PRKN: variants seen among roughly 807,000 people sequenced by gnomAD.
PRKN encodes the protein parkin RBR E3 ubiquitin protein ligase, also known as E3 ubiquitin-protein ligase parkin.
A neutral mutation model predicts 59.5 loss-of-function variants in PRKN; 56 were observed. The ratio of observed to expected loss-of-function variants is 0.94; its 90% CI spans 0.76 to 1.18. The LOEUF is 1.18. Among genes scored for constraint, PRKN ranks in the 50% most tolerant of loss-of-function variants. The pLI is 0.00. For missense variants in PRKN, 657 were observed against 596.4 expected (o/e 1.10, Z -1.06); for synonymous variants, 250 against 222.1 (o/e 1.13, Z -1.12).
At chr6:161,598,122 C>T (rs1279157912) in intron 7 of PRKN, among the ~76,000 whole-genome samples, 1 of 152,220 alleles carries the variant, frequency 6.6e-6, no homozygotes, top group Non-Finnish European at 1.5e-5. Context: ...GTTTGACATG[C>T]AGCAGATGCT....
At chr6:161,673,770 A>G (rs1394905270) in intron 7 of PRKN, among the ~76,000 whole-genome samples, 1 of 152,116 alleles carries the variant, frequency 6.6e-6, no homozygotes, top group Non-Finnish European at 1.5e-5. Flanking sequence ...TTTTGAAGGA[A>G]TTGTCTGCAG....
rs1786455038 is a variant in PRKN, at chr6:161,390,419, G to C, written c.1084-3542C>G. Among the ~76,000 whole-genome samples, 1 of 152,214 alleles carries C rather than the reference G, an allele frequency of 6.6e-6. No homozygotes were observed. The highest frequency in any genetic ancestry group is 2.1e-4 in the South Asian group (1 of 4,832). On this transcript the variant is annotated intron_variant, in intron 9 of 11. Transcript: ENST00000366898. This position sits in a 1 kb window ranked among gnomAD's most constrained non-coding sequence, Gnocchi z 7.0. ...TGACATTGTATCTTTGCAAAGGTGG[G>C]CTTTTGGAAGTTACCAGAATAGAAA...
chr6:162,222,463 T>A (rs1009322744), intron 3 of PRKN, among the ~76,000 whole-genome samples: 1 of 152,258 alleles, frequency 6.6e-6, no homozygotes, highest in South Asian at 2.1e-4. Flanking sequence ...TGTCAGGGCA[T>A]TGCAGGAGCC....
chr6:161,468,230 C>T lies in PRKN; in HGVS notation c.1083+80624G>A, dbSNP rs982360259. On this transcript the variant is annotated intron_variant, in intron 9 of 11. Coordinates refer to ENST00000366898, the MANE Select transcript of PRKN (RefSeq NM_004562.3). The surrounding 1 kb of genome is among the most constrained non-coding windows in gnomAD (Gnocchi z 5.9). ...TCAGGTGATCCGCCCGCCTCAACCT[C>T]CCAACGTGCTAGGATTACAGGCATG... 3.9e-5 allele frequency among the ~76,000 whole-genome samples: 6 copies of T among 152,128 alleles called. No homozygotes were observed. Among genetic ancestry groups the T allele is most frequent in the Non-Finnish European group, 7.4e-5 (5 of 68,006 alleles).
chr6:162,410,480 G>A (rs1031006086), intron 2 of PRKN, among the ~76,000 whole-genome samples: 1 of 152,180 alleles, frequency 6.6e-6, no homozygotes, highest in Admixed American at 6.6e-5. Context: ...GGGGGAGAAT[G>A]CCCTTTCCAA....
chr6:162,274,115 T>C (rs9456755), intron 2 of PRKN, among the ~76,000 whole-genome samples: 23,143 of 151,996 alleles, frequency 0.15, 1,971 homozygotes, highest in Admixed American at 0.25. Context: ...AGTCCATATT[T>C]TGGGACTGGA....
intron 4 of PRKN, among the ~76,000 whole-genome samples, chr6:162,155,243 A>T (rs1782459132): frequency 6.6e-6 from 1 of 152,144 alleles, no homozygotes; most frequent in Non-Finnish European, 1.5e-5. Flanking sequence ...CTGCATCTAC[A>T]CAGTTCTTAG....
At chr6:162,224,138 G>T (rs897320154) in intron 3 of PRKN, among the ~76,000 whole-genome samples, 1 of 151,884 alleles carries the variant, frequency 6.6e-6, no homozygotes, top group East Asian at 1.9e-4. Flanking sequence ...TGACTTAGTA[G>T]GGTTTAAGCT....
At chr6:162,052,144 T>C (rs1777670130) in intron 5 of PRKN, among the ~76,000 whole-genome samples, 1 of 152,186 alleles carries the variant, frequency 6.6e-6, no homozygotes, top group Middle Eastern at 3.2e-3. Flanking sequence ...TTTAAATCTA[T>C]TATGTTCTGG....
rs904864348 is a variant in PRKN at position 161,361,851 on chromosome 6, G to A, written c.1168-1646C>T. 6.6e-6 allele frequency among the ~76,000 whole-genome samples: 1 copy of A among 152,178 alleles called. No individual in the cohort carries two copies. Among genetic ancestry groups the A allele is most frequent in the Non-Finnish European group, 1.5e-5 (1 of 68,036 alleles). ...GGCAGAGGCCCAGTGAGGGCGCTGT[G>A]GTTAGTGAGGGCCATTTCACAACTT... On this transcript the variant is annotated intron_variant, in intron 10 of 11. Transcript: ENST00000366898. The surrounding 1 kb of genome is among the most constrained non-coding windows in gnomAD (Gnocchi z 5.2).
intron 1 of PRKN, among the ~76,000 whole-genome samples, chr6:162,574,767 G>C (rs9456799): frequency 7.5e-6 from 1 of 133,548 alleles, no homozygotes; most frequent in Non-Finnish European, 1.6e-5. Flanking sequence ...ATACTAAGTT[G>C]TTTTTTTTTT....
At chr6:162,528,192 G>A (rs1778368679) in intron 1 of PRKN, among the ~76,000 whole-genome samples, 1 of 151,792 alleles carries the variant, frequency 6.6e-6, no homozygotes, top group Non-Finnish European at 1.5e-5. Context: ...CGTGGTGGTG[G>A]GTGCCTGTAA....
chr6:162,135,433 C>G (rs796581919), intron 4 of PRKN, among the ~76,000 whole-genome samples: 52 of 152,286 alleles, frequency 3.4e-4, no homozygotes, highest in African/African-American at 1.0e-3. Flanking sequence ...TAGATCCTAG[C>G]TCTTCAGTGG....
chr6:162,230,336 T>G (rs1183844186), intron 3 of PRKN, among the ~76,000 whole-genome samples: 3 of 152,186 alleles, frequency 2.0e-5, no homozygotes, highest in African/African-American at 7.2e-5. Context: ...CTGGCTGCAT[T>G]TGCTGTATAC....
At chr6:162,506,667 G>A (rs1793621676) in intron 1 of PRKN, among the ~76,000 whole-genome samples, 1 of 152,126 alleles carries the variant, frequency 6.6e-6, no homozygotes, top group South Asian at 2.1e-4. Flanking sequence ...TCAGCTTTGG[G>A]AAAGATGAGG....
At chr6:162,149,766 G>A (rs1782185260) in intron 4 of PRKN, among the ~76,000 whole-genome samples, 1 of 152,150 alleles carries the variant, frequency 6.6e-6, no homozygotes, top group Non-Finnish European at 1.5e-5. Context: ...TAGTGCCATG[G>A]TGAGGGACTG....
intron 6 of PRKN, among the ~76,000 whole-genome samples, chr6:161,881,327 G>C (rs1446953651): frequency 1.3e-5 from 2 of 152,184 alleles, no homozygotes; most frequent in Non-Finnish European, 2.9e-5. Flanking sequence ...CTTTTTCTTT[G>C]CGGGAGAGGT....
intron 6 of PRKN, among the ~76,000 whole-genome samples, chr6:161,821,648 C>T (rs1164505051): frequency 6.7e-6 from 1 of 149,064 alleles, no homozygotes; most frequent in Non-Finnish European, 1.5e-5. Flanking sequence ...CAGGAGAGAA[C>T]TTACATCCCT....
intron 2 of PRKN, among the ~76,000 whole-genome samples, chr6:162,359,079 A>AAAAAAAAAATATATATATATATAT (rs57265104): frequency 3.0e-4 from 25 of 83,236 alleles, no homozygotes; most frequent in African/African-American, 1.8e-3. Flanking sequence ...AAAAAAAAAA[A>AAAAAAAAAATATATATATATATAT]ATATATATAT....
Sources: allele counts gnomAD v4.1 joint callset (sites outside exome capture counted in the v4.1 genomes callset), GRCh38; gene constraint gnomAD v4.1.1; non-coding constraint Gnocchi (gnomAD v3.1); transcripts MANE v1.5; gene names NCBI Gene and HGNC (gene_info 2026-07-23, HGNC 2026-07-21).